The following HELLS variants were observed in gnomAD, a reference collection of about 807,000 sequenced individuals.
The protein encoded by HELLS is lymphoid-specific helicase.
In HELLS, 32 loss-of-function variants were observed where a neutral mutation model predicts 120.0. That is an observed-to-expected ratio of 0.27 (90% confidence interval 0.20 to 0.36). The LOEUF (loss-of-function observed/expected upper bound fraction) is 0.36, where lower values mean the gene tolerates loss of function less well. Ranked by LOEUF, HELLS falls within the 10% of genes least tolerant of loss-of-function variation. The pLI, the probability that HELLS is intolerant of heterozygous loss-of-function variation, is 1.00. For synonymous variants in HELLS, 341 were observed against 323.4 expected (o/e 1.05, Z -0.58); for missense variants, 650 against 993.4 (o/e 0.65, Z 4.65).
intron 6 of HELLS, among the ~76,000 whole-genome samples, chr10:94,566,463 A>G (rs931204117): frequency 5.9e-5 from 9 of 152,138 alleles, no homozygotes; most frequent in African/African-American, 1.7e-4. Context: ...TCCAATTTGT[A>G]TATAAGTGAA....
downstream of HELLS, among the ~76,000 whole-genome samples, chr10:94,605,434 G>T (rs1053287254): frequency 6.6e-5 from 10 of 152,098 alleles, no homozygotes; most frequent in African/African-American, 2.2e-4. Context: ...GATGGATTAT[G>T]TTGTCTTGTG....
intron 13 of HELLS, among the ~76,000 whole-genome samples, chr10:94,589,064 C>T (rs942269487): frequency 1.3e-5 from 2 of 152,166 alleles, no homozygotes; most frequent in African/African-American, 4.8e-5. Flanking sequence ...AGGAGAATCA[C>T]TTGAACCCGG....
At chr10:94,590,237 C>G (rs1255045204) in intron 13 of HELLS, among the ~76,000 whole-genome samples, 176 bp from the exon 14 acceptor site, 2 of 152,118 alleles carry the variant, frequency 1.3e-5, no homozygotes, top group African/African-American at 4.8e-5. Flanking sequence ...TATGAAGGCC[C>G]TTCCTCTTAC....
chr10:94,580,244 G>A (rs1198504244), intron 10 of HELLS, among the ~76,000 whole-genome samples: 2 of 142,664 alleles, frequency 1.4e-5, no homozygotes, highest in African/African-American at 5.2e-5. Flanking sequence ...GAGTGCAGTG[G>A]CACGATCTCG....
At chr10:94,596,691 T>C (rs1013358525) in intron 19 of HELLS, among the ~76,000 whole-genome samples, 169 bp from the exon 20 acceptor site, 1 of 152,206 alleles carries the variant, frequency 6.6e-6, no homozygotes, top group African/African-American at 2.4e-5. Context: ...AGTGGACATA[T>C]CATTTTCCAG....
chr10:94,576,324 G>T (rs1304409264), intron 9 of HELLS, among the ~76,000 whole-genome samples: 1 of 152,070 alleles, frequency 6.6e-6, no homozygotes, highest in Non-Finnish European at 1.5e-5. Context: ...GCTAATTTTT[G>T]TATTTTTTGT....
chr10:94,590,373 G>A (rs2134106928), intron 13 of HELLS, 40 bp from the exon 14 acceptor site: 2 of 1,556,160 alleles, frequency 1.3e-6, no homozygotes, highest in East Asian at 4.5e-5. Context: ...TAAGGACATA[G>A]CTTTATAAAC....
In HELLS at chr10:94,550,675, G is replaced by A. The variant is rs182322365; in HGVS notation, c.154-3451G>A. ...GAGGCTGAGGCGGGGCAGATCGCTT[G>A]AGCCCAGGGGTTAAGACCAGCCTGG... is the stretch of plus-strand genomic sequence containing the variant. On this transcript the variant is annotated intron_variant, in intron 2 of 21. Coordinates refer to ENST00000348459, the MANE Select transcript of HELLS (RefSeq NM_018063.5). Among the ~76,000 whole-genome samples, 252 of 152,214 alleles carry A rather than the reference G, an allele frequency of 1.7e-3. 2 individuals carry two copies. Among genetic ancestry groups the A allele is most frequent in the African/African-American group, 5.8e-3 (239 of 41,554 alleles).
chr10:94,591,125 C>T lies in HELLS; in HGVS notation c.1767+349C>T, dbSNP rs75836190. Among the ~76,000 whole-genome samples, 503 of 152,300 alleles carry T rather than the reference C, an allele frequency of 3.3e-3. 4 individuals carry two copies. Among genetic ancestry groups the T allele is most frequent in the East Asian group, 0.025 (128 of 5,190 alleles). ...CTAGGATTACAGGCAAGAGCCACCA[C>T]GCTTGGCCTCTATGCAACTTATATT... is the stretch of plus-strand genomic sequence containing the variant. On this transcript the variant is annotated intron_variant, in intron 15 of 21. Transcript: ENST00000348459.
chr10:94,551,183 A>G (rs1684031678), intron 2 of HELLS, among the ~76,000 whole-genome samples: 1 of 152,086 alleles, frequency 6.6e-6, no homozygotes, highest in African/African-American at 2.4e-5. Flanking sequence ...TGATTTATAT[A>G]TTTTTTGACA....
At chr10:94,564,771 T>G (rs1843709860) in intron 6 of HELLS, among the ~76,000 whole-genome samples, 1 of 152,128 alleles carries the variant, frequency 6.6e-6, no homozygotes, top group Non-Finnish European at 1.5e-5. Flanking sequence ...CTATTTGTAT[T>G]TTTAGTAGAG....
intron 12 of HELLS, chr10:94,584,189 T>A (rs1350046245): frequency 1.2e-5 from 7 of 577,478 alleles, no homozygotes; most frequent in Non-Finnish European, 1.8e-5. Flanking sequence ...TTGAGATGTT[T>A]ATTGACTATT....
At chr10:94,548,604 T>C (rs533984809) in intron 2 of HELLS, among the ~76,000 whole-genome samples, 1 of 152,226 alleles carries the variant, frequency 6.6e-6, no homozygotes, top group Non-Finnish European at 1.5e-5. Flanking sequence ...ATTTTTAAGC[T>C]TATGAACAAA....
chr10:94,593,411 A>T, intron 17 of HELLS, 88 bp from the exon 18 acceptor site: 1 of 779,092 alleles, frequency 1.3e-6, no homozygotes, highest in Non-Finnish European at 2.2e-6. Context: ...TTAAGTCTTT[A>T]ATAGTTGTAA....
chr10:94,593,998 G>GGA (rs1845628027), intron 18 of HELLS, among the ~76,000 whole-genome samples: 1 of 139,550 alleles, frequency 7.2e-6, no homozygotes, highest in Admixed American at 7.2e-5. Context: ...TTTTTGAGAA[G>GGA]GAGTTTTGCT....
chr10:94,606,347 A>G (rs1846129316), downstream of HELLS, among the ~76,000 whole-genome samples: 1 of 148,914 alleles, frequency 6.7e-6, no homozygotes, highest in Non-Finnish European at 1.5e-5. Context: ...TCTGCCTAGA[A>G]TTTTTTTGTT....
At chr10:94,609,083 GT>G (rs144523444) in intron 9 of HELLS, among the ~76,000 whole-genome samples, 5,426 of 141,082 alleles carry the variant, frequency 0.038, 344 homozygotes, top group African/African-American at 0.14. Context: ...GAGTGCAGTG[GT>G]GCGATCTTGG....
intron 4 of HELLS, among the ~76,000 whole-genome samples, chr10:94,559,768 C>A (rs1843459079): frequency 6.6e-6 from 1 of 152,044 alleles, no homozygotes; most frequent in African/African-American, 2.4e-5. Context: ...TATTAATCAA[C>A]ATATATATTA....
intron 10 of HELLS, among the ~76,000 whole-genome samples, chr10:94,578,537 C>T (rs550680764): frequency 6.6e-6 from 1 of 152,140 alleles, no homozygotes; most frequent in South Asian, 2.1e-4. Context: ...GGTGAAACCA[C>T]ATCTCTACAA....
Sources: allele counts gnomAD v4.1 joint callset (sites outside exome capture counted in the v4.1 genomes callset), GRCh38; gene constraint gnomAD v4.1.1; transcripts MANE v1.5; gene names NCBI Gene and HGNC (gene_info 2026-07-23, HGNC 2026-07-21).